Variants in ROBO2 observed in about 807,000 individuals in gnomAD.
ROBO2 encodes the protein roundabout homolog 2.
ROBO2 carries 53 observed loss-of-function variants against 160.8 expected under a neutral mutation model. The ratio of observed to expected loss-of-function variants is 0.33; its 90% CI spans 0.26 to 0.41. The LOEUF (loss-of-function observed/expected upper bound fraction) is 0.41, where lower values mean the gene tolerates loss of function less well. Ranked by LOEUF, ROBO2 falls within the 10% of genes least tolerant of loss-of-function variation. ROBO2 has a pLI of 1.00. For synonymous variants in ROBO2, 664 were observed against 611.7 expected, an observed-to-expected ratio of 1.09 and a Z score of -1.26; for missense variants, 1,577 against 1,722.4, an observed-to-expected ratio of 0.92 and a Z score of 1.49.
chr3:76,146,096 T>C (rs1418784681), intron 2 of ROBO2, among the ~76,000 whole-genome samples: 1 of 152,014 alleles, frequency 6.6e-6, no homozygotes, highest in African/African-American at 2.4e-5. Context: ...ACACTCTATT[T>C]GCTTGTCTCT....
chr3:76,317,424 ACT>A (rs568386932), intron 2 of ROBO2, among the ~76,000 whole-genome samples: 2 of 152,106 alleles, frequency 1.3e-5, no homozygotes, highest in Admixed American at 6.5e-5. Context: ...AATTTGGAAA[ACT>A]CTGTCAGACT....
At chr3:77,213,791 T>C (rs1295600515) in intron 2 of ROBO2, among the ~76,000 whole-genome samples, 1 of 152,180 alleles carries the variant, frequency 6.6e-6, no homozygotes, top group Non-Finnish European at 1.5e-5. Flanking sequence ...TTTGTTCTCG[T>C]TGGTTTCAAA....
chr3:76,759,817 A>G (rs748327843), intron 2 of ROBO2, among the ~76,000 whole-genome samples: 3 of 151,774 alleles, frequency 2.0e-5, no homozygotes, highest in Non-Finnish European at 2.9e-5. Context: ...CCTAAGTTGT[A>G]AAATAAGAAA....
intron 2 of ROBO2, among the ~76,000 whole-genome samples, chr3:75,951,385 C>T (rs1429332349): frequency 3.9e-5 from 6 of 152,032 alleles, no homozygotes; most frequent in Non-Finnish European, 5.9e-5. Context: ...TTCATCTACT[C>T]GTTCTTCTTC....
intron 2 of ROBO2, among the ~76,000 whole-genome samples, chr3:77,397,538 T>C (rs2075393883): frequency 6.6e-6 from 1 of 152,120 alleles, no homozygotes; most frequent in South Asian, 2.1e-4. Context: ...TGCGATTAGT[T>C]ACTTTCATTA....
chr3:75,924,440 C>G (rs548965152), intron 1 of ROBO2, among the ~76,000 whole-genome samples: 5 of 151,892 alleles, frequency 3.3e-5, no homozygotes, highest in Non-Finnish European at 4.4e-5. Context: ...TGAATTCTCC[C>G]CTGGAATCTC....
At chr3:76,249,460 C>A (rs1245973632) in intron 2 of ROBO2, among the ~76,000 whole-genome samples, 1 of 151,526 alleles carries the variant, frequency 6.6e-6, no homozygotes, top group Non-Finnish European at 1.5e-5. Context: ...CCCAGGTGAG[C>A]CAGATTCTAT....
intron 2 of ROBO2, among the ~76,000 whole-genome samples, chr3:76,931,596 G>A (rs2324701): frequency 0.41 from 62,497 of 151,600 alleles, 13,026 homozygotes; most frequent in South Asian, 0.49. Flanking sequence ...AGCATTTAGT[G>A]TCAAGCTTAT....
At chr3:77,483,891 C>A (rs2153591798) in intron 4 of ROBO2, among the ~76,000 whole-genome samples, 1 of 151,460 alleles carries the variant, frequency 6.6e-6, no homozygotes, top group Admixed American at 6.6e-5. Flanking sequence ...TAGCTGTCTA[C>A]TTTCCGAGAC....
intron 2 of ROBO2, among the ~76,000 whole-genome samples, chr3:76,196,208 A>G (rs6777376): frequency 0.97 from 148,127 of 152,220 alleles, 72,201 homozygotes; most frequent in East Asian, 1. Flanking sequence ...AATGGTTATC[A>G]ATGGTGCAAG....
Position 77,092,329 on chromosome 3 carries a change from A to C in ROBO2, c.62-5685A>C, listed in dbSNP as rs149692102. Among the ~76,000 whole-genome samples, 396 of 151,826 alleles carry C rather than the reference A, an allele frequency of 2.6e-3. 2 individuals are homozygous for C. The highest frequency in any genetic ancestry group is 9.3e-3 in the African/African-American group (385 of 41,512). The stretch of plus-strand genomic sequence containing the variant: ...AGCCTAGATGCCATGTGCATTCTTT[A>C]CTTGGTGCTCCATTCATTTCTAAAG... On this transcript the variant is annotated intron_variant, in intron 1 of 25. Coordinates refer to ENST00000461745, the Ensembl canonical transcript of ROBO2.
intron 2 of ROBO2, among the ~76,000 whole-genome samples, chr3:76,191,013 C>A (rs552586922): frequency 3.9e-5 from 6 of 152,116 alleles, no homozygotes; most frequent in Admixed American, 1.3e-4. Context: ...TTATATTAAT[C>A]GCACATTAAG....
intron 2 of ROBO2, among the ~76,000 whole-genome samples, chr3:76,692,742 A>G (rs970780420): frequency 6.6e-6 from 1 of 152,086 alleles, no homozygotes; most frequent in Non-Finnish European, 1.5e-5. Flanking sequence ...AGTAGAAACC[A>G]TGAAAATTTC....
intron 2 of ROBO2, among the ~76,000 whole-genome samples, chr3:76,378,350 TAG>T (rs1187076631): frequency 6.6e-6 from 1 of 152,140 alleles, no homozygotes; most frequent in Non-Finnish European, 1.5e-5. Context: ...GTAATAATAT[TAG>T]AGATTTATTG....
At chr3:75,939,741 C>T (rs1270494153) in intron 2 of ROBO2, among the ~76,000 whole-genome samples, 1 of 152,002 alleles carries the variant, frequency 6.6e-6, no homozygotes, top group Non-Finnish European at 1.5e-5. Flanking sequence ...CAATAAGCCT[C>T]ATTAAATATT....
intron 2 of ROBO2, among the ~76,000 whole-genome samples, chr3:77,372,291 A>G (rs2071879735): frequency 6.6e-6 from 1 of 152,150 alleles, no homozygotes; most frequent in Non-Finnish European, 1.5e-5. Flanking sequence ...GAGGATATTA[A>G]ACGGAAAAGA....
chr3:76,818,442 G>A (rs2065871003), intron 2 of ROBO2, among the ~76,000 whole-genome samples: 1 of 151,774 alleles, frequency 6.6e-6, no homozygotes, highest in Non-Finnish European at 1.5e-5. Flanking sequence ...TGACTCTGTG[G>A]GTTGTCTTTT....
chr3:76,501,976 ACTACTCATTTTG>A (rs1560053872), intron 2 of ROBO2, among the ~76,000 whole-genome samples: 1 of 151,500 alleles, frequency 6.6e-6, no homozygotes, highest in Non-Finnish European at 1.5e-5. Flanking sequence ...AGTTTTCAAA[ACTACTCATTTTG>A]CCACAGAGGA....
chr3:77,555,647 A>T (rs1164345934), intron 8 of ROBO2, among the ~76,000 whole-genome samples: 2 of 151,986 alleles, frequency 1.3e-5, no homozygotes, highest in Non-Finnish European at 2.9e-5. Flanking sequence ...TAGAGCCAAT[A>T]GAAGTTAAAA....
Sources: gnomAD v4.1 joint callset for allele counts (sites outside exome capture counted in the v4.1 genomes callset) on GRCh38, gnomAD v4.1.1 for gene constraint, MANE v1.5 for transcripts, NCBI Gene and HGNC (gene_info 2026-07-23, HGNC 2026-07-21) for gene names.